Variants in IMMP2L observed in about 807,000 individuals in gnomAD.
IMMP2L encodes the protein mitochondrial inner membrane protease subunit 2.
Under a neutral mutation model 19.3 loss-of-function variants are expected in IMMP2L, and 18 were observed. The ratio of observed to expected loss-of-function variants is 0.93; its 90% CI spans 0.64 to 1.38. IMMP2L has a LOEUF of 1.38. IMMP2L is among the 40% of genes most tolerant of loss of function. IMMP2L has a pLI of 0.00. For missense variants in IMMP2L, 233 were observed against 218.2 expected, an observed-to-expected ratio of 1.07 and a Z score of -0.43; for synonymous variants, 76 against 73.0, an observed-to-expected ratio of 1.04 and a Z score of -0.21.
chr7:110,771,227 G>C (rs927732210), intron 5 of IMMP2L, among the ~76,000 whole-genome samples: 1 of 152,128 alleles, frequency 6.6e-6, no homozygotes, highest in Non-Finnish European at 1.5e-5. Flanking sequence ...CTGCTGGTTT[G>C]GACGAGAATC....
At chr7:111,249,616 G>C (rs1298947351) in intron 3 of IMMP2L, among the ~76,000 whole-genome samples, 1 of 151,956 alleles carries the variant, frequency 6.6e-6, no homozygotes, top group Non-Finnish European at 1.5e-5. Context: ...AGAAGAGAAA[G>C]TCATATTTGT....
chr7:111,343,125 T>C (rs1278059882), intron 3 of IMMP2L, among the ~76,000 whole-genome samples: 2 of 152,108 alleles, frequency 1.3e-5, no homozygotes, highest in Non-Finnish European at 2.9e-5. Context: ...CAAATATTTA[T>C]TGAGTGGTTG....
At chr7:110,845,321 A>G (rs1294428886) in intron 5 of IMMP2L, among the ~76,000 whole-genome samples, 1 of 152,124 alleles carries the variant, frequency 6.6e-6, no homozygotes, top group Admixed American at 6.6e-5. Context: ...AGAGCTTTTG[A>G]GAAGTATCAG....
chr7:110,944,486 C>T (rs920494297), intron 4 of IMMP2L, among the ~76,000 whole-genome samples: 18 of 151,652 alleles, frequency 1.2e-4, no homozygotes, highest in African/African-American at 3.6e-4. Context: ...TGTGTGTGCG[C>T]GTGTGTGTGT....
chr7:111,123,449 A>T lies in IMMP2L; in HGVS notation c.240-159884T>A. 6.2e-7 allele frequency: 1 copy of T among 1,613,572 alleles called. No homozygotes were observed. The highest frequency in any genetic ancestry group is 8.5e-7 in the Non-Finnish European group (1 of 1,179,850). On this transcript the variant is annotated intron_variant, in intron 3 of 5. Coordinates refer to ENST00000405709, the MANE Select transcript of IMMP2L (RefSeq NM_032549.4). The surrounding 1 kb of genome is among the most constrained non-coding windows in gnomAD (Gnocchi z 6.4). ...GTTATAGCTGGTATAAACCTCACAGAAATACCAGATAACGCCTTGGTTGGA... is the reference window on the plus strand; with the variant it reads ...GTTATAGCTGGTATAAACCTCACAGTAATACCAGATAACGCCTTGGTTGGA...
At chr7:111,168,905 C>T (rs943725198) in intron 3 of IMMP2L, among the ~76,000 whole-genome samples, 1 of 151,714 alleles carries the variant, frequency 6.6e-6, no homozygotes, top group Non-Finnish European at 1.5e-5. Context: ...GTGCCTTAAA[C>T]AACAAAAATT....
chr7:111,273,976 A>AGTTT (rs892718514), intron 3 of IMMP2L, among the ~76,000 whole-genome samples: 2 of 152,162 alleles, frequency 1.3e-5, no homozygotes, highest in African/African-American at 4.8e-5. Flanking sequence ...ACTTGCCTAC[A>AGTTT]GTTTCTTCAG....
At chr7:111,344,965 A>T (rs929298647) in intron 3 of IMMP2L, among the ~76,000 whole-genome samples, 1 of 152,078 alleles carries the variant, frequency 6.6e-6, no homozygotes, top group Non-Finnish European at 1.5e-5. Context: ...ATGAGGCAAA[A>T]CAACATTTAA....
chr7:111,010,752 C>T (rs992008980), intron 3 of IMMP2L, among the ~76,000 whole-genome samples: 1 of 152,052 alleles, frequency 6.6e-6, no homozygotes, highest in Non-Finnish European at 1.5e-5. Context: ...ATAACTGAAG[C>T]TCATGCTAGT....
chr7:111,421,239 A>G (rs917484162), intron 3 of IMMP2L, among the ~76,000 whole-genome samples: 3 of 142,168 alleles, frequency 2.1e-5, no homozygotes, highest in Non-Finnish European at 4.6e-5. Flanking sequence ...TCCTTTGCCC[A>G]CTTTTTGATG....
chr7:111,329,164 G>A (rs1004773711), intron 3 of IMMP2L, among the ~76,000 whole-genome samples: 1 of 151,782 alleles, frequency 6.6e-6, no homozygotes, highest in Non-Finnish European at 1.5e-5. Context: ...GATGTTGAGC[G>A]CTATTAAGAA....
At chr7:111,036,018 C>T (rs890519401) in intron 3 of IMMP2L, among the ~76,000 whole-genome samples, 2 of 152,122 alleles carry the variant, frequency 1.3e-5, no homozygotes, top group African/African-American at 4.8e-5. Flanking sequence ...AAAACAGAGC[C>T]TAGCACATAG....
chr7:111,284,382 C>G (rs970070571), intron 3 of IMMP2L, among the ~76,000 whole-genome samples: 3 of 152,102 alleles, frequency 2.0e-5, no homozygotes, highest in Admixed American at 2.0e-4. Flanking sequence ...TACATTACTA[C>G]AGCCACCCAT....
intron 3 of IMMP2L, chr7:111,124,162 C>T: frequency 6.2e-7 from 1 of 1,613,964 alleles, no homozygotes. Context: ...TGGTCAAAAA[C>T]TCTTGCCTAA....
chr7:111,296,269 C>T (rs1331862099), intron 3 of IMMP2L, among the ~76,000 whole-genome samples: 2 of 151,812 alleles, frequency 1.3e-5, no homozygotes, highest in Non-Finnish European at 3.0e-5. Context: ...TGAAAAGATG[C>T]TCACATCCTA....
chr7:111,087,748 G>T (rs776707054), intron 3 of IMMP2L, among the ~76,000 whole-genome samples: 1 of 152,034 alleles, frequency 6.6e-6, no homozygotes, highest in Non-Finnish European at 1.5e-5. Flanking sequence ...AGTAATAAGA[G>T]CGATAAAGAG....
intron 5 of IMMP2L, among the ~76,000 whole-genome samples, chr7:110,799,091 A>G (rs1801067263): frequency 6.6e-6 from 1 of 152,038 alleles, no homozygotes; most frequent in African/African-American, 2.4e-5. Flanking sequence ...ATGTAAAGGA[A>G]TAAGTGAACA....
At chr7:111,310,469 T>G (rs1017535407) in intron 3 of IMMP2L, among the ~76,000 whole-genome samples, 1 of 152,104 alleles carries the variant, frequency 6.6e-6, no homozygotes, top group Non-Finnish European at 1.5e-5. Context: ...GTCTTTATTT[T>G]TAATTCTGGA....
At chr7:110,982,252 T>C (rs185959100) in intron 3 of IMMP2L, among the ~76,000 whole-genome samples, 43 of 152,278 alleles carry the variant, frequency 2.8e-4, no homozygotes, top group Non-Finnish European at 5.6e-4. Flanking sequence ...CCCTGCTGCG[T>C]CATTCAGCCA....
Sources: gnomAD v4.1 joint callset for allele counts (sites outside exome capture counted in the v4.1 genomes callset) on GRCh38, gnomAD v4.1.1 for gene constraint, Gnocchi (gnomAD v3.1) non-coding constraint, MANE v1.5 for transcripts, NCBI Gene and HGNC (gene_info 2026-07-23, HGNC 2026-07-21) for gene names.